The following SORCS1 variants were observed in gnomAD, a reference collection of about 807,000 sequenced individuals.
The protein encoded by SORCS1 is sortilin related VPS10 domain containing receptor 1.
In SORCS1, 60 loss-of-function variants were observed where a neutral mutation model predicts 146.1. The ratio of observed to expected loss-of-function variants is 0.41; its 90% CI spans 0.33 to 0.51. The LOEUF is 0.51. Ranked by LOEUF, SORCS1 falls within the 20% of genes least tolerant of loss-of-function variation. The pLI, the probability that SORCS1 is intolerant of heterozygous loss-of-function variation, is 0.21. For missense variants in SORCS1, 1,352 were observed against 1,487.6 expected (o/e 0.91, Z 1.50); for synonymous variants, 637 against 584.0 (o/e 1.09, Z -1.31).
chr10:107,098,521 T>G (rs1349288572), intron 1 of SORCS1, among the ~76,000 whole-genome samples: 1 of 152,236 alleles, frequency 6.6e-6, no homozygotes, highest in Non-Finnish European at 1.5e-5. Context: ...TGAGTGCATA[T>G]GTATCACGTG....
chr10:106,631,702 C>G (rs557258334), intron 18 of SORCS1, among the ~76,000 whole-genome samples: 9 of 152,334 alleles, frequency 5.9e-5, no homozygotes, highest in Admixed American at 3.3e-4. Flanking sequence ...TTCACACCTT[C>G]AGTCAACTCT....
chr10:106,662,017 A>G lies in SORCS1; in HGVS notation c.2303+5672T>C, dbSNP rs140771728. Among the ~76,000 whole-genome samples, 321 of 152,344 alleles carry G rather than the reference A, an allele frequency of 2.1e-3. 5 individuals carry two copies. The highest frequency in any genetic ancestry group is 7.1e-3 in the African/African-American group (294 of 41,586). ...TGACGCCACTGGACCAAGGAGCAGG[A>G]CTGGTGGTTACAGCCACCTGGAGGG... On this transcript the variant is annotated intron_variant, in intron 17 of 25. Coordinates refer to ENST00000263054, the MANE Select transcript of SORCS1 (RefSeq NM_052918.5).
At chr10:106,623,476 C>T (rs1438838494) in intron 19 of SORCS1, among the ~76,000 whole-genome samples, 1 of 151,876 alleles carries the variant, frequency 6.6e-6, no homozygotes, top group African/African-American at 2.4e-5. Flanking sequence ...GAACTCCTGA[C>T]CTTGTGATCC....
chr10:106,593,659 T>C lies in SORCS1; in HGVS notation c.3265+3692A>G, dbSNP rs572810887. ...CCAGTTGATCAGGCTTGGAATTATA[T>C]AGCCGAAAGACCCTACTATCAAAAC... On this transcript the variant is annotated intron_variant, in intron 24 of 25. Transcript: ENST00000263054. 8.5e-5 allele frequency among the ~76,000 whole-genome samples: 13 copies of C among 152,358 alleles called. No homozygotes were observed. In the East Asian group the frequency reaches 9.6e-4, roughly 11 times the overall value.
chr10:107,053,508 C>G (rs1960325473), intron 1 of SORCS1, among the ~76,000 whole-genome samples: 1 of 151,946 alleles, frequency 6.6e-6, no homozygotes, highest in South Asian at 2.1e-4. Context: ...TTGTATATTT[C>G]TTCTTCAATT....
chr10:106,771,694 G>A (rs770140711), intron 4 of SORCS1, among the ~76,000 whole-genome samples: 10 of 152,114 alleles, frequency 6.6e-5, no homozygotes. Context: ...GTGAGGGGTG[G>A]GATTGTAGAC....
At chr10:107,131,347 T>C (rs1488015565) in intron 1 of SORCS1, among the ~76,000 whole-genome samples, 1 of 152,194 alleles carries the variant, frequency 6.6e-6, no homozygotes. Context: ...ATCTATCAAC[T>C]ATAGAGCCTC....
rs1421319308 is a variant in SORCS1 at position 106,677,299 on chromosome 10, G to T, written c.1832+14C>A. 6.2e-7 allele frequency: 1 copy of T among 1,611,466 alleles called. No individual in the cohort carries two copies. Among genetic ancestry groups the T allele is most frequent in the East Asian group, 2.2e-5 (1 of 44,846 alleles). On this transcript the variant is annotated intron_variant, in intron 13 of 25. Coordinates refer to ENST00000263054, the MANE Select transcript of SORCS1 (RefSeq NM_052918.5). ...CCATCAGGTGCAGATTTCACAGGCA[G>T]CATGTGCCCTTACCAAAGATGTCGA...
At chr10:106,829,449 C>T in intron 3 of SORCS1, 125 bp downstream of exon 3, 3 of 637,398 alleles carry the variant, frequency 4.7e-6, no homozygotes, top group Non-Finnish European at 8.4e-6. Flanking sequence ...TAACATCCAT[C>T]AACCCATCTT....
At chr10:107,166,921 A>G (rs1483800634), upstream of SORCS1, among the ~76,000 whole-genome samples, 1 of 152,258 alleles carries the variant, frequency 6.6e-6, no homozygotes, top group Non-Finnish European at 1.5e-5. Flanking sequence ...TTTGGTTTCA[A>G]AATGGAAGCG....
intron 3 of SORCS1, among the ~76,000 whole-genome samples, chr10:106,782,227 A>C (rs1363521128): frequency 1.3e-5 from 2 of 152,180 alleles, no homozygotes; most frequent in Non-Finnish European, 2.9e-5. Flanking sequence ...TTTTCTAATG[A>C]GGATCCACAG....
At chr10:106,696,086 A>G (rs1467654669) in intron 9 of SORCS1, among the ~76,000 whole-genome samples, 4 of 152,226 alleles carry the variant, frequency 2.6e-5, no homozygotes, top group Non-Finnish European at 5.9e-5. Context: ...CACCTCTGCT[A>G]AAATAGCCTG....
At chr10:106,973,185 CT>C in intron 1 of SORCS1, among the ~76,000 whole-genome samples, 1 of 152,286 alleles carries the variant, frequency 6.6e-6, no homozygotes, top group Non-Finnish European at 1.5e-5. Context: ...TCAGGGAAGA[CT>C]TTCCTAAACT....
chr10:106,615,702 A>C (rs1847314625), intron 21 of SORCS1, among the ~76,000 whole-genome samples: 1 of 152,210 alleles, frequency 6.6e-6, no homozygotes, highest in Non-Finnish European at 1.5e-5. Flanking sequence ...AGACAAATTA[A>C]GGGTGGCCGA....
chr10:106,977,918 G>C (rs1221921515), intron 1 of SORCS1, among the ~76,000 whole-genome samples: 1 of 152,180 alleles, frequency 6.6e-6, no homozygotes, highest in East Asian at 1.9e-4. Context: ...CAAAATGTCA[G>C]AGTTCGAGTG....
chr10:106,862,649 T>C (rs932523368), intron 2 of SORCS1, among the ~76,000 whole-genome samples: 1 of 151,916 alleles, frequency 6.6e-6, no homozygotes, highest in African/African-American at 2.4e-5. Context: ...ATAGTTTTCA[T>C]ATAATAAAAA....
At chr10:106,996,270 T>C (rs1431813811) in intron 1 of SORCS1, among the ~76,000 whole-genome samples, 1 of 140,978 alleles carries the variant, frequency 7.1e-6, no homozygotes, top group Non-Finnish European at 1.5e-5. Flanking sequence ...AAATGAAATG[T>C]ACAAATGCAG....
At chr10:106,630,236 G>A (rs894705297) in intron 18 of SORCS1, among the ~76,000 whole-genome samples, 13 of 152,152 alleles carry the variant, frequency 8.5e-5, no homozygotes, top group African/African-American at 2.4e-4. Context: ...GACACTGTAC[G>A]CAGCCCTATT....
chr10:107,052,832 T>C (rs752024019), intron 1 of SORCS1, among the ~76,000 whole-genome samples: 1 of 152,108 alleles, frequency 6.6e-6, no homozygotes, highest in Non-Finnish European at 1.5e-5. Flanking sequence ...AGAACATTAG[T>C]GATAGAAAAA....
Sources: allele counts gnomAD v4.1 joint callset (sites outside exome capture counted in the v4.1 genomes callset), GRCh38; gene constraint gnomAD v4.1.1; transcripts MANE v1.5; gene names NCBI Gene and HGNC (gene_info 2026-07-23, HGNC 2026-07-21).